CNMD: variants seen among roughly 807,000 people sequenced by gnomAD.
CNMD encodes the protein leukocyte cell-derived chemotaxin 1.
CNMD carries 30 observed loss-of-function variants against 37.5 expected under a neutral mutation model. The observed-to-expected ratio is 0.80, with a 90% CI of 0.60 to 1.09. The LOEUF is 1.09. Among genes scored for constraint, CNMD ranks in the 50% least tolerant of loss-of-function variants. The probability of loss-of-function intolerance (pLI) is 0.00; values close to 1 mark genes in which losing one functional copy is unlikely to be tolerated. For missense variants in CNMD, 398 were observed against 423.9 expected, an observed-to-expected ratio of 0.94 and a Z score of 0.54; for synonymous variants, 167 against 148.2, an observed-to-expected ratio of 1.13 and a Z score of -0.92.
rs555196133 is a variant in CNMD at position 52,712,720 on chromosome 13, T to C, written c.618A>G (p.Pro206=). The C allele has an allele frequency of 1.9e-5, 29 of 1,509,360 alleles. 1 individual carries two copies. The South Asian group carries it at 3.5e-4, about 18-fold the overall frequency. 93.5% of individuals were successfully genotyped at this position (1,509,360 alleles called of 1,614,324 possible). ...TAAGATAATTTAAAATGTTACCTTT[T>C]GGATAGGTTGGTTTAAGCCAGAAAA... ...LPIFWLKPTY[P]KEIQRERREV... is the part of the protein sequence containing the mutation. The change falls in exon 5 of 7, where the codon CCA becomes CCG. Residue 206 remains proline (P), a synonymous_variant. Transcript: ENST00000377962.
intron 2 of CNMD, among the ~76,000 whole-genome samples, chr13:52,736,245 C>T (rs1019469827): frequency 1.3e-5 from 2 of 152,214 alleles, no homozygotes; most frequent in Admixed American, 6.5e-5. Context: ...CCGCCCGCCT[C>T]GGCCTCCCGA....
At position 52,708,692 on chromosome 13, in the gene CNMD, C is replaced by T. The variant is rs1964240648; in HGVS notation, c.633G>A (p.Arg211=). The T allele has an allele frequency of 6.3e-7, 1 of 1,593,024 alleles. No homozygotes were observed. Among genetic ancestry groups the T allele is most frequent in the African/African-American group, 1.4e-5 (1 of 73,234 alleles). The change falls in exon 6 of 7, where the codon AGG becomes AGA. Residue 211 remains arginine (R), a synonymous_variant. Coordinates refer to ENST00000377962, the MANE Select transcript of CNMD (RefSeq NM_007015.3). ...TTTTTCTTACCACTTCTCTTCTTTC[C>T]CTCTGGATTTCTGCAAAAATTTCTG... ...LKPTYPKEIQ[R]ERREVVRKIV...
At chr13:52,727,592 T>G (rs1964596734) in intron 3 of CNMD, among the ~76,000 whole-genome samples, 1 of 152,076 alleles carries the variant, frequency 6.6e-6, no homozygotes, top group Non-Finnish European at 1.5e-5. Context: ...TATATATATA[T>G]CCACAATGGA....
chr13:52,711,846 CTG>C (rs1198631870), intron 5 of CNMD, among the ~76,000 whole-genome samples: 2 of 105,422 alleles, frequency 1.9e-5, no homozygotes, highest in Admixed American at 8.8e-5. Context: ...AAAAATGAAA[CTG>C]TACCTATTAA....
At chr13:52,717,301 G>C (rs1477394747) in intron 4 of CNMD, among the ~76,000 whole-genome samples, 1 of 152,162 alleles carries the variant, frequency 6.6e-6, no homozygotes, top group Non-Finnish European at 1.5e-5. Flanking sequence ...GAGACAATTT[G>C]ACTTCCTCCC....
chr13:52,723,066 CT>C, intron 4 of CNMD, among the ~76,000 whole-genome samples: 1 of 152,028 alleles, frequency 6.6e-6, no homozygotes, highest in South Asian at 2.1e-4. Context: ...TTGTGGAGTC[CT>C]TTGTCTTTAT....
At chr13:52,707,278 G>A (rs9536249) in intron 6 of CNMD, among the ~76,000 whole-genome samples, 5,455 of 152,274 alleles carry the variant, frequency 0.036, 131 homozygotes, top group South Asian at 0.064. Flanking sequence ...TAAATATTTT[G>A]TGGAAGATTT....
intron 3 of CNMD, 49 bp downstream of exon 3, chr13:52,733,170 C>T: frequency 1.2e-6 from 2 of 1,604,346 alleles, no homozygotes; most frequent in East Asian, 4.5e-5. Context: ...TTAGAAAAGT[C>T]CCGCAGGCTT....
In CNMD at chr13:52,712,772, A is replaced by G; in HGVS notation, c.566T>C (p.Val189Ala). ...VKDNSFLSSK[V>A]LELCGDLPIF... ...AGGAAGGTCACCGCAGAGTTCTAACACCTTAGAACTCAAGAAGCTGTTGTC... is the reference window on the plus strand; with the variant it reads ...AGGAAGGTCACCGCAGAGTTCTAACGCCTTAGAACTCAAGAAGCTGTTGTC... The change falls in exon 5 of 7, where the codon GTG (valine) becomes GCG (alanine). Residue 189 changes from valine (V) to alanine (A), a missense_variant. Transcript: ENST00000377962. The G allele has an allele frequency of 6.3e-7, 1 of 1,586,048 alleles. No individual in the cohort carries two copies. Among genetic ancestry groups the G allele is most frequent in the South Asian group, 1.2e-5 (1 of 84,222 alleles).
chr13:52,705,460 GACTC>G (rs1475786349), intron 6 of CNMD, among the ~76,000 whole-genome samples: 18 of 152,074 alleles, frequency 1.2e-4, no homozygotes, highest in African/African-American at 4.3e-4. Context: ...TAATTCATCA[GACTC>G]ACTCTGTTCT....
chr13:52,739,319 G>T lies in CNMD; in HGVS notation c.73-148C>A, dbSNP rs931100267. ...CCGGGCTCCTACGGGTGCCCCTTTC[G>T]CCGCGCTCCCTCCCGAGGGTCCTTT... On this transcript the variant is annotated intron_variant, in intron 1 of 6. Coordinates refer to ENST00000377962, the MANE Select transcript of CNMD (RefSeq NM_007015.3). This position sits in a 1 kb window ranked among gnomAD's most constrained non-coding sequence, Gnocchi z 5.4. 2 of 954,910 alleles carry T rather than the reference G, an allele frequency of 2.1e-6. No homozygotes were observed. The highest frequency in any genetic ancestry group is 1.5e-6 in the Non-Finnish European group (1 of 675,968). 59.2% of individuals were successfully genotyped at this position (954,910 alleles called of 1,614,324 possible). A position where few individuals can be genotyped will look rare whatever the true frequency, so the allele number is the denominator to read the frequency against.
intron 3 of CNMD, among the ~76,000 whole-genome samples, chr13:52,724,947 T>G (rs1371389407): frequency 1.3e-5 from 2 of 152,138 alleles, no homozygotes; most frequent in Non-Finnish European, 2.9e-5. Flanking sequence ...AGGTAATAAC[T>G]GTTAAGAAGA....
In CNMD at chr13:52,739,170, G is replaced by T; in HGVS notation, c.74C>A (p.Ala25Glu). The change falls in exon 2 of 7, where the codon GCG becomes GAG. Residue 25 changes from alanine to glutamate, a missense_variant and splice_region_variant. By Grantham distance (107) the Ala-to-Glu change is moderately radical. Coordinates refer to ENST00000377962, the MANE Select transcript of CNMD (RefSeq NM_007015.3). The surrounding 1 kb of genome is among the most constrained non-coding windows in gnomAD (Gnocchi z 5.4). ...GGGCTTCACCGTCAGCGTAGCGTAC[G>T]CCTGCGGGCCGGGGCGGGAGAGGGA... is the stretch of plus-strand genomic sequence containing the variant. Reference protein sequence around the residue: ...PDDVEFCSPPAYATLTVKPSS... With the variant: ...PDDVEFCSPPEYATLTVKPSS... 2 of 1,486,998 alleles carry T rather than the reference G, an allele frequency of 1.3e-6. No individual in the cohort carries two copies. The highest frequency in any genetic ancestry group is 1.8e-6 in the Non-Finnish European group (2 of 1,124,944). The allele number at this position is 1,486,998 out of a possible 1,614,324, so 92.1% of individuals were successfully genotyped here.
rs1426574532 is a variant in CNMD at position 52,712,814 on chromosome 13, A to G, written c.524T>C (p.Val175Ala). Residue 175 changes from valine (V) to alanine (A), a missense_variant, in exon 5 of 7, where the codon GTA becomes GCA. Transcript: ENST00000377962. ...GCTGTTGTCCTTCACAGGCTGATCT[A>G]CAGCCACCCAGATAAGAGAATTTTC... is the stretch of plus-strand genomic sequence containing the variant. ...YEENSLIWVA[V>A]DQPVKDNSFL... is the part of the protein sequence containing the mutation. 2 of 1,593,600 alleles carry G rather than the reference A, an allele frequency of 1.3e-6. No individual in the cohort carries two copies. The highest frequency in any genetic ancestry group is 1.7e-6 in the Non-Finnish European group (2 of 1,170,014).
intron 3 of CNMD, among the ~76,000 whole-genome samples, chr13:52,731,379 T>C (rs558508112): frequency 6.6e-6 from 1 of 152,286 alleles, no homozygotes; most frequent in South Asian, 2.1e-4. Context: ...AATTTGACCG[T>C]TGATTCAAAA....
chr13:52,736,375 T>C (rs1964764287), intron 2 of CNMD, among the ~76,000 whole-genome samples: 1 of 152,022 alleles, frequency 6.6e-6, no homozygotes, highest in African/African-American at 2.4e-5. Context: ...GTGATCCTCC[T>C]GCCTTGGCCT....
chr13:52,738,069 C>T lies in CNMD; in HGVS notation c.213+962G>A, dbSNP rs182097931. ...ACCATTTTCTGTAAGTACTGGAATT[C>T]GTTCATGCTTTGCATTTCATGGTAG... On this transcript the variant is annotated intron_variant, in intron 2 of 6. Coordinates refer to ENST00000377962, the MANE Select transcript of CNMD (RefSeq NM_007015.3). 1.2e-4 allele frequency among the ~76,000 whole-genome samples: 18 copies of T among 152,308 alleles called. No individual in the cohort carries two copies. The East Asian group carries it at 2.3e-3, about 20-fold the overall frequency.
intron 5 of CNMD, among the ~76,000 whole-genome samples, chr13:52,711,668 A>C (rs1230940298): frequency 6.6e-6 from 1 of 152,220 alleles, no homozygotes; most frequent in Admixed American, 6.5e-5. Context: ...GTCGTGGCAG[A>C]TCAGAAACCT....
rs1158379583 is a variant in CNMD at position 52,708,423 on chromosome 13, T to A, written c.789+113A>T. 3.5e-6 allele frequency: 3 copies of A among 853,116 alleles called. No homozygotes were observed. In the South Asian group the frequency reaches 6.8e-5, roughly 19 times the overall value. 52.8% of individuals were successfully genotyped at this position (853,116 alleles called of 1,614,324 possible). On this transcript the variant is annotated intron_variant, in intron 6 of 6. Transcript: ENST00000377962. ...GCCTCGAACTCCTGACCTCGTGATC[T>A]GCCCACCCCTGCCTCCCAAAGTGCT...
Sources: gnomAD v4.1 joint callset for allele counts (sites outside exome capture counted in the v4.1 genomes callset) on GRCh38, gnomAD v4.1.1 for gene constraint, Gnocchi (gnomAD v3.1) non-coding constraint, MANE v1.5 for transcripts, NCBI Gene and HGNC (gene_info 2026-07-23, HGNC 2026-07-21) for gene names.